Variants in CDH23 observed in about 807,000 individuals in gnomAD.
CDH23 encodes cadherin-23.
In CDH23, 189 loss-of-function variants were observed where a neutral mutation model predicts 317.1. The observed-to-expected ratio is 0.60, with a 90% CI of 0.53 to 0.67. The LOEUF (loss-of-function observed/expected upper bound fraction) is 0.67, where lower values mean the gene tolerates loss of function less well. CDH23 is among the 30% of genes least tolerant of loss of function. The probability of loss-of-function intolerance (pLI) is 0.00; values close to 1 mark genes in which losing one functional copy is unlikely to be tolerated. For synonymous variants in CDH23, 1,839 were observed against 1,876.8 expected (o/e 0.98, Z 0.52); for missense variants, 4,401 against 4,592.4 (o/e 0.96, Z 1.20).
chr10:71,645,500 GC>G (rs1284981476), intron 12 of CDH23: 1 of 472,658 alleles, frequency 2.1e-6, no homozygotes, highest in Non-Finnish European at 4.1e-6. Context: ...CTTGCAGCTG[GC>G]CGGTCCCTCC....
chr10:71,683,342 A>G (rs1864734111), intron 18 of CDH23, among the ~76,000 whole-genome samples: 3 of 152,258 alleles, frequency 2.0e-5, no homozygotes, highest in Admixed American at 2.0e-4. Context: ...TGTCAGGTTC[A>G]GAGATGCGCT....
chr10:71,578,637 C>A (rs1272714449), intron 9 of CDH23, among the ~76,000 whole-genome samples: 5 of 152,130 alleles, frequency 3.3e-5, no homozygotes, highest in African/African-American at 1.2e-4. Flanking sequence ...GTTCGGCTGT[C>A]CCAGGGCTGG....
At chr10:71,442,654 A>G (rs1429706759) in intron 2 of CDH23, among the ~76,000 whole-genome samples, 2 of 151,996 alleles carry the variant, frequency 1.3e-5, no homozygotes, top group African/African-American at 4.8e-5. Context: ...CTTGTTGGGG[A>G]GGCAGGAAGC....
rs1238129152 is a variant in CDH23 at position 71,814,905 on chromosome 10, C to T, written c.9739-47C>T. On this transcript the variant is annotated intron_variant, in intron 69 of 69. Transcript: ENST00000224721. ...GTCTCTGGGGCCATCCACCTGCTCA[C>T]CCCTTGGGCATGGCCCTGAGCATGT... is the stretch of plus-strand genomic sequence containing the variant. 7 of 1,547,518 alleles carry T rather than the reference C, an allele frequency of 4.5e-6. No homozygotes were observed. The African/African-American group carries it at 8.1e-5, about 18-fold the overall frequency.
At position 71,501,027 on chromosome 10, in the gene CDH23, C is replaced by T. The variant is rs1488109879; in HGVS notation, c.146-9055C>T. Among the ~76,000 whole-genome samples the T allele has an allele frequency of 3.3e-5, 5 of 151,904 alleles. No individual in the cohort carries two copies. In the East Asian group the frequency reaches 9.7e-4, roughly 29 times the overall value. On this transcript the variant is annotated intron_variant, in intron 3 of 69. Coordinates refer to ENST00000224721, the MANE Select transcript of CDH23 (RefSeq NM_022124.6). The stretch of plus-strand genomic sequence containing the variant: ...GGATTACAGGCCTGTGACACCACCC[C>T]CAGCTAACTTTTGTATTTTTAGTAG...
chr10:71,693,574 C>T (rs926144920), intron 20 of CDH23, among the ~76,000 whole-genome samples: 12 of 152,138 alleles, frequency 7.9e-5, no homozygotes, highest in Middle Eastern at 3.2e-3. Flanking sequence ...TGTGAACACC[C>T]GGTGTTTTTA....
intron 9 of CDH23, among the ~76,000 whole-genome samples, chr10:71,609,236 C>T (rs979299258): frequency 6.6e-6 from 1 of 151,914 alleles, no homozygotes; most frequent in African/African-American, 2.4e-5. Flanking sequence ...AGAACTGCCC[C>T]GCCCCAACAT....
intron 60 of CDH23, among the ~76,000 whole-genome samples, chr10:71,808,946 G>A (rs1841826029): frequency 6.6e-6 from 1 of 152,030 alleles, no homozygotes; most frequent in Non-Finnish European, 1.5e-5. Context: ...TAGTTCATGT[G>A]CCACCTCATC....
intron 41 of CDH23, among the ~76,000 whole-genome samples, chr10:71,783,073 A>T (rs1186986959): frequency 6.6e-6 from 1 of 152,210 alleles, no homozygotes; most frequent in Non-Finnish European, 1.5e-5. Context: ...AGAGCAAGTC[A>T]GTGCCCCATT....
At chr10:71,771,975 G>C (rs1344473144) in intron 38 of CDH23, among the ~76,000 whole-genome samples, 2 of 152,220 alleles carry the variant, frequency 1.3e-5, no homozygotes, top group African/African-American at 4.8e-5. Flanking sequence ...AGGGCAGGTG[G>C]CCCATGACAG....
intron 3 of CDH23, among the ~76,000 whole-genome samples, chr10:71,479,224 T>TTCTTCCAGACTGATC (rs779115918): frequency 3.2e-4 from 48 of 152,214 alleles, no homozygotes; most frequent in Admixed American, 2.1e-3. Context: ...CCAGACTGAT[T>TTCTTCCAGACTGATC]TCTTCCAGAC....
At chr10:71,733,556 G>C (rs1180914276) in intron 32 of CDH23, among the ~76,000 whole-genome samples, 1 of 152,146 alleles carries the variant, frequency 6.6e-6, no homozygotes, top group South Asian at 2.1e-4. Flanking sequence ...AATGCCAGGG[G>C]ATTAAGAGCT....
intron 9 of CDH23, among the ~76,000 whole-genome samples, chr10:71,596,535 G>A (rs1475198656): frequency 6.6e-6 from 1 of 152,148 alleles, no homozygotes; most frequent in Non-Finnish European, 1.5e-5. Flanking sequence ...CATATGGTTG[G>A]TAAAGTGATA....
intron 22 of CDH23, among the ~76,000 whole-genome samples, chr10:71,695,925 T>C (rs1056947946): frequency 9.2e-5 from 14 of 152,132 alleles, no homozygotes; most frequent in Admixed American, 3.9e-4. Context: ...TTCACTGCTG[T>C]GCCCCTGCAG....
In CDH23 at chr10:71,809,856, T is replaced by A. The variant is rs772039181; in HGVS notation, c.8759T>A (p.Phe2920Tyr). Residue 2920 changes from phenylalanine (F) to tyrosine (Y), a missense_variant, in exon 61 of 70, where the codon TTC becomes TAC. Phe to Tyr is a conservative substitution (Grantham distance 22). This residue lies in a region of CDH23 where 1,144 missense variants were observed against 1,138.2 expected (regional missense o/e 1.01). Transcript: ENST00000224721. ...GGCATTCTGCGCACCTTCGACCTCT[T>A]CATGGCCTACAGCCCCGGCTACTTC... is the stretch of plus-strand genomic sequence containing the variant. ...MDGILRTFDL[F>Y]MAYSPGYFVV... 7 of 1,613,350 alleles carry A rather than the reference T, an allele frequency of 4.3e-6. No homozygotes were observed. In the Admixed American group the frequency reaches 1.2e-4, roughly 27 times the overall value.
intron 34 of CDH23, among the ~76,000 whole-genome samples, chr10:71,736,783 G>T (rs1383609772): frequency 2.0e-5 from 3 of 152,206 alleles, no homozygotes; most frequent in African/African-American, 7.2e-5. Context: ...CATATCCCTT[G>T]CCTTCCTAAG....
intron 62 of CDH23, 114 bp from the exon 63 acceptor site, chr10:71,811,201 T>A: frequency 6.7e-7 from 1 of 1,494,958 alleles, no homozygotes. Context: ...TGGACCTCAA[T>A]CTTGCAAGGC....
chr10:71,428,934 T>C (rs1006926508), intron 1 of CDH23, among the ~76,000 whole-genome samples: 15 of 152,184 alleles, frequency 9.9e-5, no homozygotes, highest in African/African-American at 3.1e-4. Context: ...TCCTTTCGAA[T>C]TGGGTTGTTT....
chr10:71,807,608 T>G lies in CDH23; in HGVS notation c.8401T>G (p.Phe2801Val), dbSNP rs3802707. 3.7e-4 allele frequency: 599 copies of G among 1,613,972 alleles called. 4 individuals carry two copies. The East Asian group carries it at 0.013, about 34-fold the overall frequency. The change falls in exon 59 of 70, where the codon TTC becomes GTC. Residue 2801 changes from phenylalanine (F) to valine (V), a missense_variant. Around this residue, in one of 3 missense-constraint regions of CDH23, gnomAD observed 1,144 missense variants for 1,138.2 expected, o/e 1.01. Coordinates refer to ENST00000224721, the MANE Select transcript of CDH23 (RefSeq NM_022124.6). ...CCGGGAGCGAGAAGCCATCTTCTCC[T>G]TCATCGTCAAGGCCTCCAGCAATCG... Reference protein sequence around the residue: ...LDREREAIFSFIVKASSNRSW... With the variant: ...LDREREAIFSVIVKASSNRSW...
Sources: gnomAD v4.1 joint callset for allele counts (sites outside exome capture counted in the v4.1 genomes callset) on GRCh38, gnomAD v4.1.1 for gene constraint, gnomAD v4.1.1 regional missense constraint, MANE v1.5 for transcripts, NCBI Gene and HGNC (gene_info 2026-07-23, HGNC 2026-07-21) for gene names.